AUTS2: variants seen among roughly 807,000 people sequenced by gnomAD.
AUTS2 encodes autism susceptibility gene 2 protein.
In AUTS2, 17 loss-of-function variants were observed where a neutral mutation model predicts 112.4. That is an observed-to-expected ratio of 0.15 (90% CI 0.10 to 0.23). The LOEUF is 0.23. Among genes scored for constraint, AUTS2 ranks in the 10% least tolerant of loss-of-function variants. The probability of loss-of-function intolerance (pLI) is 1.00; values close to 1 mark genes in which losing one functional copy is unlikely to be tolerated. For synonymous variants in AUTS2, 751 were observed against 702.7 expected (o/e 1.07, Z -1.09); for missense variants, 1,510 against 1,701.6 (o/e 0.89, Z 1.98).
At chr7:69,792,822 C>T (rs74624445) in intron 1 of AUTS2, among the ~76,000 whole-genome samples, 1,847 of 152,142 alleles carry the variant, frequency 0.012, 14 homozygotes, top group Middle Eastern at 0.027. Flanking sequence ...AGAGACATTT[C>T]GGTTCATTAG....
At chr7:70,601,240 GTAGTTT>G (rs1803458041) in intron 5 of AUTS2, among the ~76,000 whole-genome samples, 1 of 152,188 alleles carries the variant, frequency 6.6e-6, no homozygotes, top group Admixed American at 6.5e-5. Context: ...GTATCTCAGT[GTAGTTT>G]TAGTTTGCAT....
intron 4 of AUTS2, among the ~76,000 whole-genome samples, chr7:70,331,258 C>T (rs1045871043): frequency 2.0e-5 from 3 of 152,258 alleles, no homozygotes; most frequent in Non-Finnish European, 4.4e-5. Flanking sequence ...AATTTGACTT[C>T]TTCCTGGTTT....
chr7:70,492,813 T>C (rs1407197237), intron 5 of AUTS2, among the ~76,000 whole-genome samples: 1 of 152,224 alleles, frequency 6.6e-6, no homozygotes, highest in Non-Finnish European at 1.5e-5. Flanking sequence ...CACACTATGC[T>C]GTTTTGAAAC....
intron 5 of AUTS2, among the ~76,000 whole-genome samples, chr7:70,454,567 T>C (rs916695498): frequency 1.3e-5 from 2 of 151,980 alleles, no homozygotes; most frequent in Non-Finnish European, 2.9e-5. Flanking sequence ...TAAAAATTTA[T>C]ATATAAAATA....
Position 70,701,037 on chromosome 7 carries a change from A to G in AUTS2, c.742+2417A>G, listed in dbSNP as rs191809398. Among the ~76,000 whole-genome samples, 143 of 152,378 alleles carry G rather than the reference A, an allele frequency of 9.4e-4. 5 individuals are homozygous for G. The East Asian group carries it at 0.025, about 26-fold the overall frequency. On this transcript the variant is annotated intron_variant, in intron 6 of 18. Transcript: ENST00000342771. ...TTATGGGACAATCTAACCAGAGTGC[A>G]GGGGAGCTGACACGTGTATCCCTCC...
At chr7:69,933,485 G>A (rs1796298367) in intron 2 of AUTS2, among the ~76,000 whole-genome samples, 1 of 152,122 alleles carries the variant, frequency 6.6e-6, no homozygotes, top group South Asian at 2.1e-4. Context: ...TCGGCTCCCT[G>A]TGAGTTGTTA....
chr7:69,637,322 A>T (rs1437511734), intron 1 of AUTS2, among the ~76,000 whole-genome samples: 1 of 152,238 alleles, frequency 6.6e-6, no homozygotes, highest in Non-Finnish European at 1.5e-5. Flanking sequence ...CCAAATTGCA[A>T]CAATTTCCAC....
intron 10 of AUTS2, among the ~76,000 whole-genome samples, chr7:70,769,805 A>G (rs1208041945): frequency 6.6e-6 from 1 of 152,204 alleles, no homozygotes; most frequent in African/African-American, 2.4e-5. Context: ...CCAAAGATGG[A>G]GAATAAGCCT....
rs537710268 is a variant in AUTS2 at position 70,102,115 on chromosome 7, CTTTTTTT to C, written c.523-16002_523-15996del. Reference sequence around the variant, plus strand: ...GATACCCCTTACTTTGCAGTGTTTACTTTTTTTTTTTTTTTTTTTTTGAGACAGAGTC... The same window carrying C: ...GATACCCCTTACTTTGCAGTGTTTACTTTTTTTTTTTTTTGAGACAGAGTC... On this transcript the variant is annotated intron_variant, in intron 2 of 18. Transcript: ENST00000342771. Among the ~76,000 whole-genome samples the C allele has an allele frequency of 2.1e-3, 263 of 127,162 alleles. 1 individual carries two copies. Among genetic ancestry groups the C allele is most frequent in the African/African-American group, 7.3e-3 (256 of 34,970 alleles). The allele number at this position is 127,162 out of a possible 152,430, so 83.4% of individuals were successfully genotyped here.
intron 1 of AUTS2, among the ~76,000 whole-genome samples, chr7:69,632,164 A>G (rs1250204783): frequency 6.6e-6 from 1 of 152,196 alleles, no homozygotes; most frequent in Admixed American, 6.5e-5. Flanking sequence ...ATGTATTTTT[A>G]GGCTGTTCAA....
chr7:70,194,502 G>A (rs938407629), intron 4 of AUTS2, among the ~76,000 whole-genome samples: 1 of 152,146 alleles, frequency 6.6e-6, no homozygotes. Context: ...ATACTTTCTG[G>A]ACTAACCATA....
intron 1 of AUTS2, among the ~76,000 whole-genome samples, chr7:69,846,159 A>T (rs1390612033): frequency 6.6e-6 from 1 of 151,444 alleles, no homozygotes; most frequent in African/African-American, 2.4e-5. Flanking sequence ...GCTTCTAGGC[A>T]TATTGATATT....
intron 4 of AUTS2, among the ~76,000 whole-genome samples, chr7:70,374,735 A>T (rs960628863): frequency 1.3e-5 from 2 of 152,214 alleles, no homozygotes; most frequent in African/African-American, 4.8e-5. Flanking sequence ...TCAGTTTGAG[A>T]TCTTTTCCAC....
At chr7:70,281,339 G>A (rs556013743) in intron 4 of AUTS2, among the ~76,000 whole-genome samples, 14 of 152,302 alleles carry the variant, frequency 9.2e-5, no homozygotes, top group South Asian at 2.1e-4. Context: ...AATACAGAGC[G>A]AAACATATCT....
chr7:70,097,200 A>G (rs1804250159), intron 2 of AUTS2, among the ~76,000 whole-genome samples: 1 of 152,164 alleles, frequency 6.6e-6, no homozygotes, highest in Admixed American at 6.5e-5. Context: ...TGCAAGTTGT[A>G]TTTTCTGTGG....
intron 5 of AUTS2, among the ~76,000 whole-genome samples, chr7:70,659,242 C>T (rs965585973): frequency 1.3e-5 from 2 of 152,214 alleles, no homozygotes; most frequent in African/African-American, 2.4e-5. Context: ...GATATCACGC[C>T]CACGACTGGC....
chr7:69,701,276 G>A (rs915060675), intron 1 of AUTS2, among the ~76,000 whole-genome samples: 2 of 152,208 alleles, frequency 1.3e-5, no homozygotes, highest in Non-Finnish European at 2.9e-5. Flanking sequence ...CAGAGGCCAT[G>A]CAATAAAATA....
chr7:70,734,222 G>A (rs1275323438), intron 6 of AUTS2, among the ~76,000 whole-genome samples: 2 of 151,884 alleles, frequency 1.3e-5, no homozygotes, highest in Non-Finnish European at 2.9e-5. Context: ...GGCGGATCAC[G>A]AGGTCAGGAG....
In AUTS2 at chr7:70,766,173, C is replaced by T. The variant is rs930597957; in HGVS notation, c.1528C>T (p.Arg510Cys). Reference sequence around the variant, plus strand: ...TTTTTTGGCCTCTCAGAGTGCTGACCGCGGGGCTTCCCTGGGCCCTCCGCC... The same window carrying T: ...TTTTTTGGCCTCTCAGAGTGCTGACTGCGGGGCTTCCCTGGGCCCTCCGCC... ...TRFLASQSAD[R>C]GASLGPPPYL... The change falls in exon 9 of 19, where the codon CGC (arginine) becomes TGC (cysteine). Residue 510 changes from arginine (R) to cysteine (C), a missense_variant. Around this residue, in one of 3 missense-constraint regions of AUTS2, gnomAD observed 187 missense variants for 309.7 expected, o/e 0.60. Coordinates refer to ENST00000342771, the MANE Select transcript of AUTS2 (RefSeq NM_015570.4). This position sits in a 1 kb window ranked among gnomAD's most constrained non-coding sequence, Gnocchi z 4.8. 15 of 1,614,046 alleles carry T rather than the reference C, an allele frequency of 9.3e-6. No individual in the cohort carries two copies. The highest frequency in any genetic ancestry group is 8.0e-5 in the African/African-American group (6 of 74,906).
Sources: allele counts gnomAD v4.1 joint callset (sites outside exome capture counted in the v4.1 genomes callset), GRCh38; gene constraint gnomAD v4.1.1; regional missense constraint gnomAD v4.1.1; non-coding constraint Gnocchi (gnomAD v3.1); transcripts MANE v1.5; gene names NCBI Gene and HGNC (gene_info 2026-07-23, HGNC 2026-07-21).